The following CLOCK variants were observed in gnomAD, a reference collection of about 807,000 sequenced individuals.
CLOCK encodes clock circadian regulator.
CLOCK carries 43 observed loss-of-function variants against 118.4 expected under a neutral mutation model. The observed-to-expected ratio is 0.36, with a 90% CI of 0.28 to 0.47. The LOEUF (loss-of-function observed/expected upper bound fraction) is 0.47. Among genes scored for constraint, CLOCK ranks in the 20% least tolerant of loss-of-function variants. The pLI, the probability that CLOCK is intolerant of heterozygous loss-of-function variation, is 1.00. For missense variants in CLOCK, 846 were observed against 999.9 expected, an observed-to-expected ratio of 0.85 and a Z score of 2.08; for synonymous variants, 326 against 339.2, an observed-to-expected ratio of 0.96 and a Z score of 0.43.
chr4:55,431,290 C>G lies in CLOCK; in HGVS notation c.*4125G>C, dbSNP rs1722484653. The G allele has an allele frequency of 6.6e-6, 1 of 152,094 alleles. No homozygotes were observed. The highest frequency in any genetic ancestry group is 1.5e-5 in the Non-Finnish European group (1 of 68,012). 9.4% of individuals were successfully genotyped at this position (152,094 alleles called of 1,614,324 possible). A position where few individuals can be genotyped will look rare whatever the true frequency, so the allele number is the denominator to read the frequency against. ...CATTACCCATGCGGATGAGGCTATACTAGTGCTATGGCAAAAGGGGAAGTA... is the reference window on the plus strand; with the variant it reads ...CATTACCCATGCGGATGAGGCTATAGTAGTGCTATGGCAAAAGGGGAAGTA... On this transcript the variant is annotated 3_prime_UTR_variant, in exon 23 of 23. Transcript: ENST00000513440.
At chr4:55,478,643 A>G (rs1016175794) in intron 6 of CLOCK, among the ~76,000 whole-genome samples, 172 bp downstream of exon 6, 3 of 152,180 alleles carry the variant, frequency 2.0e-5, no homozygotes, top group African/African-American at 7.2e-5. Flanking sequence ...TGTAGTAGGC[A>G]CGGAATAAAT....
At chr4:55,494,522 T>C (rs530316458) in intron 2 of CLOCK, among the ~76,000 whole-genome samples, 114 of 151,844 alleles carry the variant, frequency 7.5e-4, no homozygotes, top group African/African-American at 2.7e-3. Flanking sequence ...AGATGGCAAG[T>C]TAAAGGCATA....
intron 1 of CLOCK, among the ~76,000 whole-genome samples, chr4:55,540,178 T>C (rs1484394157): frequency 6.6e-6 from 1 of 151,920 alleles, no homozygotes; most frequent in African/African-American, 2.4e-5. Context: ...CGGCTAATTT[T>C]TGTACTTTTA....
intron 18 of CLOCK, among the ~76,000 whole-genome samples, chr4:55,447,321 G>A (rs1560420020): frequency 6.6e-6 from 1 of 151,930 alleles, no homozygotes; most frequent in African/African-American, 2.4e-5. Context: ...CCGAGATTGC[G>A]CCACTGCACT....
intron 2 of CLOCK, 79 bp from the exon 3 acceptor site, chr4:55,489,544 T>A (rs1309328177): frequency 1.3e-5 from 2 of 152,112 alleles, no homozygotes; most frequent in Non-Finnish European, 2.9e-5. Flanking sequence ...AAATAATTTT[T>A]AAAAATAAAA....
intron 1 of CLOCK, among the ~76,000 whole-genome samples, chr4:55,510,617 ACT>A (rs1729078241): frequency 7.6e-6 from 1 of 131,314 alleles, no homozygotes; most frequent in Non-Finnish European, 1.5e-5. Flanking sequence ...ACAGAACAAG[ACT>A]CTGTCTTTTT....
rs754673708 is a variant in CLOCK, at chr4:55,453,104, G to A, written c.1156C>T (p.Arg386Ter). The change falls in exon 15 of 23, where the codon CGA (arginine) becomes TGA (stop). Residue 386 changes from arginine to a stop codon, truncating the protein, a stop_gained. Transcript: ENST00000513440. LOFTEE classifies it high-confidence loss of function. ...GACTCTTCAATGCCAAGTTCTCGTC[G>A]TCTTTCAGCCCTAACTTCTGCATAA... Reference protein sequence around the residue: ...VSYAEVRAERRRELGIEESLP... With the variant: ...VSYAEVRAER 1.9e-6 allele frequency: 3 copies of A among 1,612,640 alleles called. No homozygotes were observed. Among genetic ancestry groups the A allele is most frequent in the Admixed American group, 1.7e-5 (1 of 59,982 alleles).
rs1328418385 is a variant in CLOCK at position 55,449,461 on chromosome 4, G to A, written c.1384C>T (p.Pro462Ser). Reference protein sequence around the residue: ...PTKIPTDTSTPPRQHLPAHEK... With the variant: ...PTKIPTDTSTSPRQHLPAHEK... ...TGAGCTGGTAAATGCTGCCTGGGTG[G>A]AGTGCTCGTATCCGTCGGGATCTTG... Residue 462 changes from proline to serine, a missense_variant, in exon 17 of 23, where the codon CCA (proline) becomes TCA (serine). Coordinates refer to ENST00000513440, the MANE Select transcript of CLOCK (RefSeq NM_004898.4). 2 of 1,613,994 alleles carry A rather than the reference G, an allele frequency of 1.2e-6. No individual in the cohort carries two copies. The highest frequency in any genetic ancestry group is 1.7e-6 in the Non-Finnish European group (2 of 1,179,936).
chr4:55,538,533 A>G lies in CLOCK; in HGVS notation c.-290+8249T>C, dbSNP rs1457485835. 5.9e-5 allele frequency among the ~76,000 whole-genome samples: 9 copies of G among 152,214 alleles called. No individual in the cohort carries two copies. In the East Asian group the frequency reaches 1.7e-3, roughly 29 times the overall value. ...GCAGGTCGATAGAAAATATCCAAAC[A>G]GAGAAAAAAATTTTTTTCAACATGT... is the stretch of plus-strand genomic sequence containing the variant. On this transcript the variant is annotated intron_variant, in intron 1 of 22. Coordinates refer to ENST00000513440, the MANE Select transcript of CLOCK (RefSeq NM_004898.4).
chr4:55,492,575 T>C (rs1727785853), intron 2 of CLOCK, among the ~76,000 whole-genome samples: 1 of 152,190 alleles, frequency 6.6e-6, no homozygotes, highest in South Asian at 2.1e-4. Context: ...CCAGTCACAG[T>C]GGCTCATGCC....
At position 55,433,576 on chromosome 4, in the gene CLOCK, T is replaced by C. The variant is rs1422254323; in HGVS notation, c.*1839A>G. 2 of 152,208 alleles carry C rather than the reference T, an allele frequency of 1.3e-5. No individual in the cohort carries two copies. The highest frequency in any genetic ancestry group is 1.9e-4 in the East Asian group (1 of 5,202). The allele number at this position is 152,208 out of a possible 1,614,324, so 9.4% of individuals were successfully genotyped here. On this transcript the variant is annotated 3_prime_UTR_variant, in exon 23 of 23. Coordinates refer to ENST00000513440, the MANE Select transcript of CLOCK (RefSeq NM_004898.4). ...TTTTCTGTTTTAACAACCTCAACTC[T>C]GTTACACATTTTCTTTTGAGGTCAA...
intron 1 of CLOCK, among the ~76,000 whole-genome samples, chr4:55,524,242 C>CAA (rs1383958317): frequency 6.6e-6 from 1 of 150,586 alleles, no homozygotes; most frequent in African/African-American, 2.5e-5. Context: ...TACACACACA[C>CAA]ACAAAAAAAA....
chr4:55,500,824 G>A (rs567364406), intron 2 of CLOCK, among the ~76,000 whole-genome samples: 2 of 152,020 alleles, frequency 1.3e-5, no homozygotes, highest in Admixed American at 6.6e-5. Context: ...TAAGCCGATC[G>A]TTCTCCAGTG....
chr4:55,503,586 T>C (rs1482091788), intron 2 of CLOCK, among the ~76,000 whole-genome samples: 4 of 152,228 alleles, frequency 2.6e-5, no homozygotes, highest in Non-Finnish European at 4.4e-5. Context: ...ATATGTGTGT[T>C]ATAATTTGAT....
intron 13 of CLOCK, among the ~76,000 whole-genome samples, chr4:55,454,840 C>G (rs534064385): frequency 6.6e-6 from 1 of 151,888 alleles, no homozygotes; most frequent in East Asian, 1.9e-4. Context: ...AAGAATCTCT[C>G]AATCTGTCCC....
intron 7 of CLOCK, among the ~76,000 whole-genome samples, chr4:55,471,784 C>G (rs1489692795): frequency 3.3e-5 from 5 of 152,052 alleles, no homozygotes; most frequent in Admixed American, 6.6e-5. Context: ...GAGAAAATGA[C>G]AGAGAAGCCT....
chr4:55,505,656 C>T (rs1728751470), intron 2 of CLOCK, among the ~76,000 whole-genome samples: 1 of 151,858 alleles, frequency 6.6e-6, no homozygotes, highest in African/African-American at 2.4e-5. Context: ...AGAACAAGAC[C>T]TTGTCTCAAA....
chr4:55,530,870 C>A (rs927913123), intron 1 of CLOCK, among the ~76,000 whole-genome samples: 1 of 146,978 alleles, frequency 6.8e-6, no homozygotes. Context: ...GTAAATCTAA[C>A]CAGAAATGCA....
At chr4:55,466,467 T>G (rs1221177730) in intron 8 of CLOCK, among the ~76,000 whole-genome samples, 3 of 152,178 alleles carry the variant, frequency 2.0e-5, no homozygotes, top group Non-Finnish European at 4.4e-5. Flanking sequence ...GCCACCAACT[T>G]GAAATATTAA....
Sources: gnomAD v4.1 joint callset for allele counts (sites outside exome capture counted in the v4.1 genomes callset) on GRCh38, gnomAD v4.1.1 for gene constraint, MANE v1.5 for transcripts, NCBI Gene and HGNC (gene_info 2026-07-23, HGNC 2026-07-21) for gene names.